CADPS2: variants seen among roughly 807,000 people sequenced by gnomAD.
CADPS2 encodes the protein calcium dependent secretion activator 2, also known as calcium-dependent secretion activator 2.
A neutral mutation model predicts 172.5 loss-of-function variants in CADPS2; 93 were observed. The ratio of observed to expected loss-of-function variants is 0.54; its 90% CI spans 0.46 to 0.64. The LOEUF is 0.64. CADPS2 is among the 30% of genes least tolerant of loss of function. The pLI is 0.00. For missense variants in CADPS2, 1,420 were observed against 1,565.9 expected, an observed-to-expected ratio of 0.91 and a Z score of 1.57; for synonymous variants, 546 against 555.2, an observed-to-expected ratio of 0.98 and a Z score of 0.23.
At chr7:122,376,830 T>TA (rs1331256622) in intron 25 of CADPS2, among the ~76,000 whole-genome samples, 2 of 152,166 alleles carry the variant, frequency 1.3e-5, no homozygotes, top group African/African-American at 4.8e-5. Context: ...GTTGTATACT[T>TA]ACCTACAAAC....
intron 1 of CADPS2, among the ~76,000 whole-genome samples, chr7:122,803,313 A>T (rs1451132559): frequency 1.3e-5 from 2 of 152,220 alleles, no homozygotes; most frequent in East Asian, 3.8e-4. Context: ...CTGTAAAGGG[A>T]AATCACAATT....
At chr7:122,860,552 G>A (rs1417068366) in intron 1 of CADPS2, among the ~76,000 whole-genome samples, 1 of 151,902 alleles carries the variant, frequency 6.6e-6, no homozygotes, top group African/African-American at 2.4e-5. Context: ...TTTTTTTAAA[G>A]ATAAAGGTAA....
chr7:122,479,637 G>A (rs6963049), intron 12 of CADPS2, among the ~76,000 whole-genome samples: 60,272 of 151,906 alleles, frequency 0.4, 12,183 homozygotes, highest in African/African-American at 0.45. Context: ...CCAATAACAC[G>A]TAAGTAATAC....
At chr7:122,694,757 A>G (rs1268012986) in intron 2 of CADPS2, among the ~76,000 whole-genome samples, 1 of 152,224 alleles carries the variant, frequency 6.6e-6, no homozygotes, top group Non-Finnish European at 1.5e-5. Flanking sequence ...AGAACTAAAT[A>G]TTAAAAAATA....
In CADPS2 at chr7:122,663,223, C is replaced by A; in HGVS notation, c.786+14G>T. On this transcript the variant is annotated intron_variant, in intron 3 of 29. Coordinates refer to ENST00000449022, the MANE Select transcript of CADPS2 (RefSeq NM_017954.11). Reference sequence around the variant, plus strand: ...AGTCAGACAGGGGAAGGGAAAATATCAGAGACCACTTACCTGACATGCATT... The same window carrying A: ...AGTCAGACAGGGGAAGGGAAAATATAAGAGACCACTTACCTGACATGCATT... The A allele has an allele frequency of 6.4e-7, 1 of 1,574,770 alleles. No homozygotes were observed.
chr7:122,467,019 G>T (rs559046335), intron 14 of CADPS2, among the ~76,000 whole-genome samples: 1 of 152,112 alleles, frequency 6.6e-6, no homozygotes, highest in Non-Finnish European at 1.5e-5. Flanking sequence ...TGCTAGGAAA[G>T]TCTGCTTAAG....
intron 1 of CADPS2, among the ~76,000 whole-genome samples, chr7:122,807,577 T>C (rs1799059692): frequency 6.6e-6 from 1 of 152,170 alleles, no homozygotes; most frequent in Admixed American, 6.5e-5. Context: ...GCTATTAATA[T>C]AACAAAATGC....
chr7:122,491,226 G>T (rs1261791305), intron 10 of CADPS2, 86 bp downstream of exon 10: 2 of 804,302 alleles, frequency 2.5e-6, no homozygotes, highest in South Asian at 2.3e-5. Flanking sequence ...ATCGAGAGGG[G>T]TTTAAATTGT....
intron 1 of CADPS2, among the ~76,000 whole-genome samples, chr7:122,880,885 TC>T (rs1204287873): frequency 1.3e-5 from 2 of 152,330 alleles, no homozygotes; most frequent in African/African-American, 4.8e-5. Context: ...ATGCCATTTG[TC>T]CCACTGATAT....
chr7:122,746,278 C>T (rs564549984), intron 1 of CADPS2, among the ~76,000 whole-genome samples: 1 of 152,140 alleles, frequency 6.6e-6, no homozygotes, highest in Non-Finnish European at 1.5e-5. Flanking sequence ...TAACCACATG[C>T]AGCTATTGAG....
intron 1 of CADPS2, among the ~76,000 whole-genome samples, chr7:122,780,157 TATA>T (rs1168737774): frequency 2.0e-5 from 3 of 152,190 alleles, no homozygotes; most frequent in African/African-American, 4.8e-5. Flanking sequence ...TCTGTACACA[TATA>T]ATTTTACATA....
At chr7:122,605,462 G>A (rs2073395379) in intron 6 of CADPS2, among the ~76,000 whole-genome samples, 1 of 151,982 alleles carries the variant, frequency 6.6e-6, no homozygotes, top group Admixed American at 6.6e-5. Flanking sequence ...CTATTTTATA[G>A]CAATATGATC....
At chr7:122,860,933 A>G (rs1426133210) in intron 1 of CADPS2, among the ~76,000 whole-genome samples, 3 of 152,202 alleles carry the variant, frequency 2.0e-5, no homozygotes, top group East Asian at 3.8e-4. Context: ...ATAGTAAAAT[A>G]GTAATCTTTT....
chr7:122,642,737 A>G (rs2077815439), intron 3 of CADPS2, among the ~76,000 whole-genome samples: 1 of 152,120 alleles, frequency 6.6e-6, no homozygotes, highest in Non-Finnish European at 1.5e-5. Context: ...ACCAAGATAA[A>G]TGTCCTTATG....
intron 25 of CADPS2, among the ~76,000 whole-genome samples, chr7:122,372,557 A>C (rs2041894864): frequency 6.6e-6 from 1 of 152,178 alleles, no homozygotes; most frequent in South Asian, 2.1e-4. Context: ...TGAAGAGGAG[A>C]GGTAAAAAGA....
At chr7:122,465,167 T>C (rs1292062122) in intron 14 of CADPS2, among the ~76,000 whole-genome samples, 1 of 151,590 alleles carries the variant, frequency 6.6e-6, no homozygotes, top group African/African-American at 2.4e-5. Flanking sequence ...AAGGGAAGAA[T>C]TGTAGATCGA....
At chr7:122,520,660 CCAAA>C (rs1363963639) in intron 8 of CADPS2, among the ~76,000 whole-genome samples, 3 of 152,038 alleles carry the variant, frequency 2.0e-5, no homozygotes, top group Admixed American at 2.0e-4. Context: ...ACTCGCTTAC[CCAAA>C]CACTTTAAAA....
At chr7:122,525,139 CA>C (rs5887094) in intron 8 of CADPS2, among the ~76,000 whole-genome samples, 128,283 of 148,458 alleles carry the variant, frequency 0.86, 55,436 homozygotes, top group East Asian at 1. Flanking sequence ...GACCCTGTCT[CA>C]AAAAAAAAAA....
In CADPS2 at chr7:122,825,147, C is replaced by A. The variant is rs192719217; in HGVS notation, c.339+60852G>T. 2.6e-5 allele frequency among the ~76,000 whole-genome samples: 4 copies of A among 152,250 alleles called. No individual in the cohort carries two copies. In the East Asian group the frequency reaches 7.7e-4, roughly 29 times the overall value. ...GGATGAGGAGGGAGGTTGTCTAGCC[C>A]TAACAGATATTAAATGTTATAAAGT... On this transcript the variant is annotated intron_variant, in intron 1 of 29. Coordinates refer to ENST00000449022, the MANE Select transcript of CADPS2 (RefSeq NM_017954.11).
Sources: allele counts gnomAD v4.1 joint callset (sites outside exome capture counted in the v4.1 genomes callset), GRCh38; gene constraint gnomAD v4.1.1; transcripts MANE v1.5; gene names NCBI Gene and HGNC (gene_info 2026-07-23, HGNC 2026-07-21).